The following TCF3 variants were observed in gnomAD, a reference collection of about 807,000 sequenced individuals.
TCF3 encodes the protein transcription factor 3.
Under a neutral mutation model 72.3 loss-of-function variants are expected in TCF3, and 54 were observed. That is an observed-to-expected ratio of 0.75 (90% confidence interval 0.60 to 0.94). TCF3 has a LOEUF of 0.94. Among genes scored for constraint, TCF3 ranks in the 40% least tolerant of loss-of-function variants. TCF3 has a pLI of 0.00. For missense variants in TCF3, 1,078 were observed against 934.4 expected (o/e 1.15, Z -2.00); for synonymous variants, 525 against 412.6 (o/e 1.27, Z -3.30).
In TCF3 at chr19:1,615,214, A is replaced by G; in HGVS notation, c.1822+71T>C. On this transcript the variant is annotated intron_variant, in intron 18 of 18. Coordinates refer to ENST00000262965, the MANE Select transcript of TCF3 (RefSeq NM_003200.5). This position sits in a 1 kb window ranked among gnomAD's most constrained non-coding sequence, Gnocchi z 7.3. Reference sequence around the variant, plus strand: ...CTGGCTCCAGGAAGGCGGGCGGGGAAGGAGAACGAGGGCAGGAACACGAGG... The same window carrying G: ...CTGGCTCCAGGAAGGCGGGCGGGGAGGGAGAACGAGGGCAGGAACACGAGG... The G allele has an allele frequency of 6.7e-7, 1 of 1,499,364 alleles. No individual in the cohort carries two copies. Among genetic ancestry groups the G allele is most frequent in the Non-Finnish European group, 8.9e-7 (1 of 1,126,126 alleles). 92.9% of individuals were successfully genotyped at this position (1,499,364 alleles called of 1,614,324 possible). A position where few individuals can be genotyped will look rare whatever the true frequency, so the allele number is the denominator to read the frequency against.
At chr19:1,639,618 C>T (rs28415189) in intron 3 of TCF3, among the ~76,000 whole-genome samples, 2 of 152,106 alleles carry the variant, frequency 1.3e-5, no homozygotes, top group Non-Finnish European at 2.9e-5. Context: ...CAGAGGAGCT[C>T]TGCGTCCTCC....
chr19:1,645,564 C>T (rs892127943), intron 3 of TCF3, among the ~76,000 whole-genome samples: 3 of 152,238 alleles, frequency 2.0e-5, no homozygotes, highest in Non-Finnish European at 4.4e-5. Flanking sequence ...GCTCCCACGG[C>T]CCCTTCCTCT....
chr19:1,617,515 C>T lies in TCF3; in HGVS notation c.1450+1596G>A, dbSNP rs142276673. ...CAGGGCCTGGGCCACCCCCAAAACCCGGGCTTGGGGAGTCCAGGAATCAGT... is the reference window on the plus strand; with the variant it reads ...CAGGGCCTGGGCCACCCCCAAAACCTGGGCTTGGGGAGTCCAGGAATCAGT... On this transcript the variant is annotated intron_variant, in intron 16 of 18. Transcript: ENST00000262965. Among the ~76,000 whole-genome samples the T allele has an allele frequency of 5.0e-3, 756 of 152,376 alleles. 6 individuals are homozygous for T. Among genetic ancestry groups the T allele is most frequent in the African/African-American group, 0.017 (691 of 41,592 alleles).
Position 1,619,860 on chromosome 19 carries a change from G to T in TCF3, c.1094-7C>A, listed in dbSNP as rs369484262. ...CGAGGCCACTGTGACGTTCCTGGAA[G>T]GGAGTGGGGACGTGAATGGGGTGCG... On this transcript the variant is annotated splice_polypyrimidine_tract_variant and splice_region_variant and intron_variant, in intron 13 of 18. Coordinates refer to ENST00000262965, the MANE Select transcript of TCF3 (RefSeq NM_003200.5). 6.0e-5 allele frequency: 94 copies of T among 1,574,598 alleles called. No individual in the cohort carries two copies. Among genetic ancestry groups the T allele is most frequent in the Non-Finnish European group, 7.1e-5 (82 of 1,160,952 alleles).
At chr19:1,627,481 G>T in intron 5 of TCF3, 55 bp from the exon 6 acceptor site, 2 of 1,523,348 alleles carry the variant, frequency 1.3e-6, no homozygotes, top group Non-Finnish European at 1.8e-6. Flanking sequence ...CATCCTGAGG[G>T]CCCCCGAGTG....
chr19:1,632,126 A>G lies in TCF3; in HGVS notation c.220-10T>C. 6.2e-7 allele frequency: 1 copy of G among 1,611,874 alleles called. No homozygotes were observed. The highest frequency in any genetic ancestry group is 8.5e-7 in the Non-Finnish European group (1 of 1,179,138). On this transcript the variant is annotated splice_polypyrimidine_tract_variant and intron_variant, in intron 4 of 18. Coordinates refer to ENST00000262965, the MANE Select transcript of TCF3 (RefSeq NM_003200.5). Reference sequence around the variant, plus strand: ...TGCCCTCGCTGAAGGTCTAGGGGAGATGGGGTGGGGATGAGAGGTGCTGGG... The same window carrying G: ...TGCCCTCGCTGAAGGTCTAGGGGAGGTGGGGTGGGGATGAGAGGTGCTGGG...
chr19:1,638,062 G>C (rs1183681736), intron 3 of TCF3, among the ~76,000 whole-genome samples: 1 of 152,220 alleles, frequency 6.6e-6, no homozygotes, highest in Non-Finnish European at 1.5e-5. Context: ...GGCAGAGCCT[G>C]GGGGTTCTAT....
intron 13 of TCF3, 27 bp downstream of exon 13, chr19:1,620,941 T>C (rs1599588362): frequency 1.4e-6 from 2 of 1,422,750 alleles, no homozygotes; most frequent in Non-Finnish European, 1.8e-6. Flanking sequence ...GACCTCAGCC[T>C]CCCCTCCCCC....
chr19:1,651,635 CG>C lies in TCF3; in HGVS notation c.-40+664del, dbSNP rs898397702. On this transcript the variant is annotated intron_variant, in intron 1 of 18. Coordinates refer to ENST00000262965, the MANE Select transcript of TCF3 (RefSeq NM_003200.5). ...AAGCCACTTTGCACGGCGCCGAAGG[CG>C]GGGGGCGCGCTGGAACGCCTTTTTC... is the stretch of plus-strand genomic sequence containing the variant. Among the ~76,000 whole-genome samples the C allele has an allele frequency of 8.7e-4, 133 of 152,168 alleles. 1 individual carries two copies. The highest frequency in any genetic ancestry group is 3.1e-3 in the African/African-American group (130 of 41,526).
At chr19:1,640,351 C>T (rs751770720) in intron 3 of TCF3, among the ~76,000 whole-genome samples, 3 of 147,372 alleles carry the variant, frequency 2.0e-5, no homozygotes, top group Non-Finnish European at 3.0e-5. Context: ...CTGGCTAACA[C>T]GGTGAAACCC....
chr19:1,625,659 G>A lies in TCF3; in HGVS notation c.416C>T (p.Ser139Phe), dbSNP rs757102267. 2 of 1,538,010 alleles carry A rather than the reference G, an allele frequency of 1.3e-6. No homozygotes were observed. The highest frequency in any genetic ancestry group is 4.4e-5 in the Admixed American group (2 of 45,262). Residue 139 changes from serine to phenylalanine, a missense_variant, in exon 7 of 19, where the codon TCC (serine) becomes TTC (phenylalanine). Coordinates refer to ENST00000262965, the MANE Select transcript of TCF3 (RefSeq NM_003200.5). ...GGAGGTCCCCTTCATGCCCGAAGGG[G>A]ACAGGGGCCCGGGGCTGTTGAGGGC... ...ELALNSPGPL[S>F]PSGMKGTSQY...
Position 1,619,444 on chromosome 19 carries a change from C to T in TCF3, c.1198G>A (p.Ala400Thr), listed in dbSNP as rs755769182. The T allele has an allele frequency of 1.3e-6, 2 of 1,588,936 alleles. No individual in the cohort carries two copies. Among genetic ancestry groups the T allele is most frequent in the South Asian group, 1.1e-5 (1 of 90,590 alleles). ...GCGTGGCTGCGGAGCACGTGGATGG[C>T]CTCGTCCAGGTGGTCTTCTATCTTA... Reference protein sequence around the residue: ...QSKIEDHLDEAIHVLRSHAVG... With the variant: ...QSKIEDHLDETIHVLRSHAVG... The change falls in exon 15 of 19, where the codon GCC (alanine) becomes ACC (threonine). Residue 400 changes from alanine to threonine, a missense_variant. Coordinates refer to ENST00000262965, the MANE Select transcript of TCF3 (RefSeq NM_003200.5).
At chr19:1,642,256 G>GCGCACACACGCA (rs150479730) in intron 3 of TCF3, among the ~76,000 whole-genome samples, 19,251 of 150,700 alleles carry the variant, frequency 0.13, 1,270 homozygotes, top group South Asian at 0.29. Context: ...ACACACACGT[G>GCGCACACACGCA]CGCACACACG....
rs1051180516 is a variant in TCF3 at position 1,652,427 on chromosome 19, G to GCGCGTGGCCCGGGCCCCTCCCACCCC, written c.-193_-168dup. On this transcript the variant is annotated 5_prime_UTR_variant, in exon 1 of 19. Coordinates refer to ENST00000262965, the MANE Select transcript of TCF3 (RefSeq NM_003200.5). ...GTCGCGCGTGGGCGGCGGCGGCGGCGCGCGTGGCCCGGGCCCCTCCCACCC... is the reference window on the plus strand; with the variant it reads ...GTCGCGCGTGGGCGGCGGCGGCGGCGCGCGTGGCCCGGGCCCCTCCCACCCCCGCGTGGCCCGGGCCCCTCCCACCC... 7.1e-6 allele frequency: 1 copy of GCGCGTGGCCCGGGCCCCTCCCACCCC among 141,446 alleles called. No homozygotes were observed. Among genetic ancestry groups the GCGCGTGGCCCGGGCCCCTCCCACCCC allele is most frequent in the Non-Finnish European group, 1.6e-5 (1 of 64,010 alleles). 8.8% of individuals were successfully genotyped at this position (141,446 alleles called of 1,614,324 possible).
At chr19:1,619,882 T>C in intron 13 of TCF3, 29 bp from the exon 14 acceptor site, 6 of 1,538,850 alleles carry the variant, frequency 3.9e-6, no homozygotes, top group Non-Finnish European at 5.3e-6. Context: ...GTGAATGGGG[T>C]GCGAGGGGCG....
At chr19:1,612,905 T>TG (rs1242624948) in intron 18 of TCF3, among the ~76,000 whole-genome samples, 1 of 146,974 alleles carries the variant, frequency 6.8e-6, no homozygotes, top group Non-Finnish European at 1.5e-5. Flanking sequence ...TGGACAGCAG[T>TG]GGGGGTACAC....
chr19:1,629,640 C>G (rs1275803334), intron 5 of TCF3, among the ~76,000 whole-genome samples: 1 of 152,176 alleles, frequency 6.6e-6, no homozygotes, highest in Non-Finnish European at 1.5e-5. Flanking sequence ...TGGATCCAGC[C>G]TTGCCTGAAG....
intron 3 of TCF3, among the ~76,000 whole-genome samples, chr19:1,642,240 A>G: frequency 6.6e-6 from 1 of 151,778 alleles, no homozygotes; most frequent in East Asian, 1.9e-4. Flanking sequence ...ACGCACGCGC[A>G]GACGCACACA....
chr19:1,627,245 A>G (rs563883134), intron 6 of TCF3, 114 bp downstream of exon 6: 3 of 534,932 alleles, frequency 5.6e-6, no homozygotes, highest in Non-Finnish European at 5.6e-6. Flanking sequence ...TGGTTTCGCT[A>G]TCAGGAAGCA....
Sources: gnomAD v4.1 joint callset for allele counts (sites outside exome capture counted in the v4.1 genomes callset) on GRCh38, gnomAD v4.1.1 for gene constraint, Gnocchi (gnomAD v3.1) non-coding constraint, MANE v1.5 for transcripts, NCBI Gene and HGNC (gene_info 2026-07-23, HGNC 2026-07-21) for gene names.